CADPS: variants seen among roughly 807,000 people sequenced by gnomAD.
The protein encoded by CADPS is calcium-dependent secretion activator 1.
A neutral mutation model predicts 167.3 loss-of-function variants in CADPS; 57 were observed. The ratio of observed to expected loss-of-function variants is 0.34; its 90% CI spans 0.28 to 0.42. CADPS has a LOEUF of 0.42. Ranked by LOEUF, CADPS falls within the 20% of genes least tolerant of loss-of-function variation. The pLI, the probability that CADPS is intolerant of heterozygous loss-of-function variation, is 1.00. For missense variants in CADPS, 1,414 were observed against 1,738.1 expected, an observed-to-expected ratio of 0.81 and a Z score of 3.32; for synonymous variants, 676 against 635.3, an observed-to-expected ratio of 1.06 and a Z score of -0.96.
intron 2 of CADPS, among the ~76,000 whole-genome samples, chr3:62,764,497 G>A (rs2086344151): frequency 6.6e-6 from 1 of 152,182 alleles, no homozygotes; most frequent in Admixed American, 6.5e-5. Flanking sequence ...GGTGTAAAAG[G>A]AGTCTGTGGT....
At chr3:62,832,112 G>A (rs962652226) in intron 1 of CADPS, among the ~76,000 whole-genome samples, 1 of 152,204 alleles carries the variant, frequency 6.6e-6, no homozygotes, top group Non-Finnish European at 1.5e-5. Context: ...TGGGTTAAGA[G>A]TTATACAAGA....
chr3:62,616,941 T>C (rs777350869), intron 6 of CADPS, among the ~76,000 whole-genome samples: 6 of 152,186 alleles, frequency 3.9e-5, no homozygotes, highest in Non-Finnish European at 7.4e-5. Flanking sequence ...CTGTAAAAAA[T>C]ATCCTGCAGA....
intron 1 of CADPS, among the ~76,000 whole-genome samples, chr3:62,868,826 T>C (rs1451764247): frequency 1.3e-5 from 2 of 152,248 alleles, no homozygotes; most frequent in East Asian, 1.9e-4. Context: ...AATCTCATTG[T>C]CCAGAAAGAA....
chr3:62,596,099 ACACACACACAC>A, intron 6 of CADPS, among the ~76,000 whole-genome samples: 1 of 9,970 alleles, frequency 1.0e-4, no homozygotes, highest in Non-Finnish European at 4.6e-4. Context: ...ACACACACAC[ACACACACACAC>A]ACACACACAC....
chr3:62,619,918 C>T (rs1671559185), intron 6 of CADPS, among the ~76,000 whole-genome samples: 1 of 152,100 alleles, frequency 6.6e-6, no homozygotes, highest in South Asian at 2.1e-4. Context: ...ACAGAGGCTG[C>T]TTCAGGACAC....
At chr3:62,599,708 TATA>T (rs1297285516) in intron 6 of CADPS, among the ~76,000 whole-genome samples, 1 of 48,108 alleles carries the variant, frequency 2.1e-5, no homozygotes, top group Non-Finnish European at 3.4e-5. Context: ...ATATATATTA[TATA>T]ATATATAATA....
At chr3:62,787,659 A>T (rs2092585206) in intron 1 of CADPS, among the ~76,000 whole-genome samples, 1 of 152,172 alleles carries the variant, frequency 6.6e-6, no homozygotes, top group Non-Finnish European at 1.5e-5. Context: ...GAAACCATGG[A>T]TATAGTGATT....
Position 62,599,842 on chromosome 3 carries a change from A to ATATAT in CADPS, c.1326-7099_1326-7095dup, listed in dbSNP as rs1562718161. 3.3e-3 allele frequency among the ~76,000 whole-genome samples: 109 copies of ATATAT among 33,370 alleles called. 2 individuals are homozygous for ATATAT. The highest frequency in any genetic ancestry group is 3.9e-3 in the Non-Finnish European group (81 of 20,960). The allele number at this position is 33,370 out of a possible 152,430, so 21.9% of individuals were successfully genotyped here. On this transcript the variant is annotated intron_variant, in intron 6 of 29. Transcript: ENST00000383710. ...TTATATATTATATATATAATATATTATATATATATAATATATATAATATAT... is the reference window on the plus strand; with the variant it reads ...TTATATATTATATATATAATATATTATATATTATATATATAATATATATAATATAT...
At chr3:62,632,340 A>C (rs1044678185) in intron 6 of CADPS, among the ~76,000 whole-genome samples, 4 of 152,214 alleles carry the variant, frequency 2.6e-5, no homozygotes, top group Non-Finnish European at 5.9e-5. Flanking sequence ...TGGTCAGAAA[A>C]ACATAAAATA....
chr3:62,856,430 C>T (rs1034809323), intron 1 of CADPS, among the ~76,000 whole-genome samples: 2 of 152,004 alleles, frequency 1.3e-5, no homozygotes, highest in Non-Finnish European at 2.9e-5. Context: ...TGTTAATCTA[C>T]AGAGACCATG....
At chr3:62,463,392 A>C (rs916047780) in intron 26 of CADPS, among the ~76,000 whole-genome samples, 4 of 152,250 alleles carry the variant, frequency 2.6e-5, no homozygotes, top group African/African-American at 4.8e-5. Context: ...AATGTCTTCT[A>C]CGGGTGTCAG....
chr3:62,753,111 A>C lies in CADPS; in HGVS notation c.888+330T>G, dbSNP rs1248609381. Among the ~76,000 whole-genome samples the C allele has an allele frequency of 6.6e-6, 1 of 152,228 alleles. No individual in the cohort carries two copies. Among genetic ancestry groups the C allele is most frequent in the Non-Finnish European group, 1.5e-5 (1 of 68,038 alleles). ...ACTGGCAAACACCAAAGGCAGAACC[A>C]TATTTTTTAAAAAATTGATTTTTAG... On this transcript the variant is annotated intron_variant, in intron 3 of 29. Coordinates refer to ENST00000383710, the MANE Select transcript of CADPS (RefSeq NM_003716.4). This position sits in a 1 kb window ranked among gnomAD's most constrained non-coding sequence, Gnocchi z 4.6.
intron 28 of CADPS, among the ~76,000 whole-genome samples, chr3:62,411,458 CT>C (rs1490350959): frequency 6.6e-6 from 1 of 152,200 alleles, no homozygotes; most frequent in Non-Finnish European, 1.5e-5. Context: ...GAAAAAACCC[CT>C]ACAACCTATT....
chr3:62,402,238 G>GT (rs1706540693), intron 29 of CADPS, among the ~76,000 whole-genome samples: 1 of 124,850 alleles, frequency 8.0e-6, no homozygotes, highest in Admixed American at 8.0e-5. Context: ...CGGGGTGGGG[G>GT]CGGGGGGGGG....
intron 6 of CADPS, among the ~76,000 whole-genome samples, chr3:62,603,252 A>G (rs1175672796): frequency 6.6e-6 from 1 of 152,222 alleles, no homozygotes; most frequent in Non-Finnish European, 1.5e-5. Flanking sequence ...CCACACACAC[A>G]AATGTGTGGA....
intron 12 of CADPS, among the ~76,000 whole-genome samples, chr3:62,535,741 T>A (rs2074565560): frequency 6.6e-6 from 1 of 152,080 alleles, no homozygotes; most frequent in Non-Finnish European, 1.5e-5. Context: ...TTTGATAGTT[T>A]AAAGCCAAAA....
At position 62,575,805 on chromosome 3, in the gene CADPS, C is replaced by A. The variant is rs80246894; in HGVS notation, c.1578-4867G>T. 4.4e-3 allele frequency among the ~76,000 whole-genome samples: 667 copies of A among 152,326 alleles called. 10 individuals are homozygous for A. Among genetic ancestry groups the A allele is most frequent in the African/African-American group, 0.015 (637 of 41,580 alleles). ...AACAGAGGGGATTTCTGGTTAAAGG[C>A]TTCCGAATGGGAAAGCTGGTGGGAT... On this transcript the variant is annotated intron_variant, in intron 8 of 29. Coordinates refer to ENST00000383710, the MANE Select transcript of CADPS (RefSeq NM_003716.4).
At chr3:62,718,134 C>T (rs1414796480) in intron 3 of CADPS, among the ~76,000 whole-genome samples, 1 of 152,022 alleles carries the variant, frequency 6.6e-6, no homozygotes, top group Non-Finnish European at 1.5e-5. Flanking sequence ...CCCTTACTAC[C>T]ATCTGCAATC....
At chr3:62,536,281 C>T in intron 12 of CADPS, 164 bp downstream of exon 12, 1 of 614,296 alleles carries the variant, frequency 1.6e-6, no homozygotes, top group East Asian at 2.8e-5. Flanking sequence ...AGTCTTGTTT[C>T]TTTGGTAAGT....
Sources: gnomAD v4.1 joint callset for allele counts (sites outside exome capture counted in the v4.1 genomes callset) on GRCh38, gnomAD v4.1.1 for gene constraint, Gnocchi (gnomAD v3.1) non-coding constraint, MANE v1.5 for transcripts, NCBI Gene and HGNC (gene_info 2026-07-23, HGNC 2026-07-21) for gene names.